XRCC5: variants seen among roughly 807,000 people sequenced by gnomAD.
The protein encoded by XRCC5 is DNA repair protein Ku80.
In XRCC5, 12 loss-of-function variants were observed where a neutral mutation model predicts 95.7. The observed-to-expected ratio is 0.13, with a 90% CI of 0.08 to 0.20. The LOEUF (loss-of-function observed/expected upper bound fraction) is 0.20, where lower values mean the gene tolerates loss of function less well. Among genes scored for constraint, XRCC5 ranks in the 10% least tolerant of loss-of-function variants. XRCC5 has a pLI of 1.00. For missense variants in XRCC5, 595 were observed against 873.9 expected (o/e 0.68, Z 4.02); for synonymous variants, 281 against 290.3 (o/e 0.97, Z 0.33).
intron 16 of XRCC5, among the ~76,000 whole-genome samples, chr2:216,187,604 T>A (rs1689520702): frequency 6.6e-6 from 1 of 151,764 alleles, no homozygotes; most frequent in African/African-American, 2.4e-5. Context: ...CAAAGCAATT[T>A]AGTACCTGTG....
At position 216,131,000 on chromosome 2, in the gene XRCC5, A is replaced by G. The variant is rs1696986178; in HGVS notation, c.1050+13A>G. On this transcript the variant is annotated intron_variant, in intron 9 of 20. Transcript: ENST00000392132. ...TAAATCTTCTCAGGTATGATTGTGA[A>G]CAAACTAAATGAGCTTTTTCCTAGC... The G allele has an allele frequency of 6.3e-7, 1 of 1,593,090 alleles. No homozygotes were observed. The highest frequency in any genetic ancestry group is 2.2e-5 in the East Asian group (1 of 44,682).
intron 19 of XRCC5, among the ~76,000 whole-genome samples, chr2:216,195,545 T>C (rs985529460): frequency 6.6e-6 from 1 of 152,016 alleles, no homozygotes; most frequent in Non-Finnish European, 1.5e-5. Flanking sequence ...GGTGATTGTA[T>C]TGTATAGTGA....
Position 216,187,801 on chromosome 2 carries a change from ACACACACACACACACACACACT to A in XRCC5, c.1835-2422_1835-2401del, listed in dbSNP as rs1451031608. Among the ~76,000 whole-genome samples the A allele has an allele frequency of 7.9e-5, 8 of 101,710 alleles. No individual in the cohort carries two copies. In the South Asian group the frequency reaches 2.1e-3, roughly 27 times the overall value. The allele number at this position is 101,710 out of a possible 152,430, so 66.7% of individuals were successfully genotyped here. A position where few individuals can be genotyped will look rare whatever the true frequency, so the allele number is the denominator to read the frequency against. ...ATGAACTCCTGACACACACACACACACACACACACACACACACACACTCTCTCTCTCTCTCTCTCTCTCTCTC... is the reference window on the plus strand; with the variant it reads ...ATGAACTCCTGACACACACACACACACTCTCTCTCTCTCTCTCTCTCTCTC... On this transcript the variant is annotated intron_variant, in intron 16 of 20. Transcript: ENST00000392132.
Position 216,137,120 on chromosome 2 carries a change from T to A in XRCC5, c.1146T>A (p.His382Gln). 6.2e-7 allele frequency: 1 copy of A among 1,613,746 alleles called. No homozygotes were observed. Among genetic ancestry groups the A allele is most frequent in the Non-Finnish European group, 8.5e-7 (1 of 1,179,766 alleles). The change falls in exon 11 of 21, where the codon CAT becomes CAA. Residue 382 changes from histidine to glutamine, a missense_variant. Physicochemically the swap from His to Gln is conservative, Grantham distance 24. Coordinates refer to ENST00000392132, the MANE Select transcript of XRCC5 (RefSeq NM_021141.4). ...AAAVALSSLI[H>Q]ALDDLDMVAI... Reference sequence around the variant, plus strand: ...CAGTTGCACTTTCCTCCCTGATTCATGCTTTGGATGACTTAGACATGGTGG... The same window carrying A: ...CAGTTGCACTTTCCTCCCTGATTCAAGCTTTGGATGACTTAGACATGGTGG...
chr2:216,150,452 G>A (rs570936307), intron 14 of XRCC5, among the ~76,000 whole-genome samples: 2 of 152,226 alleles, frequency 1.3e-5, no homozygotes, highest in South Asian at 2.1e-4. Context: ...AGGCAATTTC[G>A]TTGTGCGAAT....
Position 216,124,831 on chromosome 2 carries a change from C to G in XRCC5, c.684-1086C>G, listed in dbSNP as rs142581078. On this transcript the variant is annotated intron_variant, in intron 6 of 20. Coordinates refer to ENST00000392132, the MANE Select transcript of XRCC5 (RefSeq NM_021141.4). ...CTTTGCTGCTTATTTTAGTGAATAC[C>G]ACAAATTCCACCTATCTCCTATCAT... is the stretch of plus-strand genomic sequence containing the variant. 2.4e-3 allele frequency among the ~76,000 whole-genome samples: 371 copies of G among 152,170 alleles called. 2 individuals carry two copies. Among genetic ancestry groups the G allele is most frequent in the East Asian group, 0.019 (97 of 5,184 alleles).
At position 216,172,756 on chromosome 2, in the gene XRCC5, C is replaced by T. The variant is rs113560516; in HGVS notation, c.1834+10708C>T. On this transcript the variant is annotated intron_variant, in intron 16 of 20. Coordinates refer to ENST00000392132, the MANE Select transcript of XRCC5 (RefSeq NM_021141.4). The stretch of plus-strand genomic sequence containing the variant: ...TTTTGGGATTACATGCGTGAGCTGC[C>T]GTGCCTGGCCCAGCTTTTCAATTTA... Among the ~76,000 whole-genome samples the T allele has an allele frequency of 5.9e-5, 9 of 152,130 alleles. 1 individual carries two copies. Among genetic ancestry groups the T allele is most frequent in the East Asian group, 1.9e-4 (1 of 5,176 alleles).
At chr2:216,160,976 G>T (rs774074697) in intron 15 of XRCC5, among the ~76,000 whole-genome samples, 9 of 152,212 alleles carry the variant, frequency 5.9e-5, no homozygotes, top group East Asian at 1.9e-4. Flanking sequence ...TTATAGTCAT[G>T]AGTCACTGCA....
chr2:216,134,419 G>GTTT (rs568788717), intron 10 of XRCC5, among the ~76,000 whole-genome samples: 3 of 135,490 alleles, frequency 2.2e-5, no homozygotes, highest in Non-Finnish European at 3.2e-5. Flanking sequence ...CTTCCTTCTT[G>GTTT]TTTTTTTTTT....
chr2:216,154,072 A>G (rs959242718), intron 14 of XRCC5, among the ~76,000 whole-genome samples: 34 of 152,294 alleles, frequency 2.2e-4, no homozygotes, highest in African/African-American at 7.9e-4. Flanking sequence ...ATTTACCTCA[A>G]ATCTAACGCT....
intron 13 of XRCC5, among the ~76,000 whole-genome samples, chr2:216,145,257 A>G (rs1688604154): frequency 6.6e-6 from 1 of 152,208 alleles, no homozygotes; most frequent in Non-Finnish European, 1.5e-5. Context: ...AAATACCTAC[A>G]GTTAAGGGTA....
chr2:216,127,361 A>G (rs1041203957), intron 7 of XRCC5, among the ~76,000 whole-genome samples, 175 bp from the exon 8 acceptor site: 60 of 152,256 alleles, frequency 3.9e-4, no homozygotes, highest in African/African-American at 1.4e-3. Flanking sequence ...GTTATCCAGT[A>G]TATTTTGTTA....
At chr2:216,126,248 C>T (rs828701) in intron 7 of XRCC5, among the ~76,000 whole-genome samples, 64,505 of 151,994 alleles carry the variant, frequency 0.42, 15,458 homozygotes, top group Non-Finnish European at 0.56. Context: ...TTGATTTCCT[C>T]CTCTTTTACT....
At chr2:216,158,456 G>C (rs1688888592) in intron 14 of XRCC5, among the ~76,000 whole-genome samples, 1 of 152,184 alleles carries the variant, frequency 6.6e-6, no homozygotes, top group South Asian at 2.1e-4. Context: ...TTGTTGGCTT[G>C]TCTCTTGGGA....
rs1262200124 is a variant in XRCC5, at chr2:216,187,819, ACACTCTCT to A, written c.1835-2404_1835-2397del. Among the ~76,000 whole-genome samples the A allele has an allele frequency of 4.3e-4, 22 of 51,002 alleles. No individual in the cohort carries two copies. The East Asian group carries it at 6.9e-3, about 16-fold the overall frequency. 33.5% of individuals were successfully genotyped at this position (51,002 alleles called of 152,430 possible). On this transcript the variant is annotated intron_variant, in intron 16 of 20. Transcript: ENST00000392132. Reference sequence around the variant, plus strand: ...CACACACACACACACACACACACACACACTCTCTCTCTCTCTCTCTCTCTCTCTCTCTC... The same window carrying A: ...CACACACACACACACACACACACACACTCTCTCTCTCTCTCTCTCTCTCTC...
At chr2:216,162,301 G>GGC (rs569159780) in intron 16 of XRCC5, among the ~76,000 whole-genome samples, 58 of 152,250 alleles carry the variant, frequency 3.8e-4, no homozygotes, top group Middle Eastern at 6.8e-3. Flanking sequence ...CCAACACCTT[G>GGC]GCGCTTATAG....
At position 216,122,109 on chromosome 2, in the gene XRCC5, A is replaced by G. The variant is rs564358760; in HGVS notation, c.539A>G (p.Asp180Gly). The G allele has an allele frequency of 6.2e-7, 1 of 1,614,108 alleles. No homozygotes were observed. Among genetic ancestry groups the G allele is most frequent in the African/African-American group, 1.3e-5 (1 of 75,056 alleles). The change falls in exon 6 of 21, where the codon GAT (aspartate) becomes GGT (glycine). Residue 180 changes from aspartate (D) to glycine (G), a missense_variant. Asp to Gly is a moderately conservative substitution (Grantham distance 94). Coordinates refer to ENST00000392132, the MANE Select transcript of XRCC5 (RefSeq NM_021141.4). ...GKEDGSGDRG[D>G]GPFRLGGHGP... ...GAAGATGGAAGTGGGGACAGAGGAGATGGCCCCTTTCGCTTAGGTGGCCAT... is the reference window on the plus strand; with the variant it reads ...GAAGATGGAAGTGGGGACAGAGGAGGTGGCCCCTTTCGCTTAGGTGGCCAT...
rs930492135 is a variant in XRCC5 at position 216,148,742 on chromosome 2, A to G, written c.1670+466A>G. 4.6e-5 allele frequency among the ~76,000 whole-genome samples: 7 copies of G among 152,278 alleles called. No individual in the cohort carries two copies. The South Asian group carries it at 1.2e-3, about 27-fold the overall frequency. ...AAACTATCAATTCTTCAGCCGTTCT[A>G]TTAGTGTATCAGTGATGTATTTGGT... On this transcript the variant is annotated intron_variant, in intron 14 of 20. Transcript: ENST00000392132.
chr2:216,115,810 A>AT (rs55691905), intron 2 of XRCC5, among the ~76,000 whole-genome samples: 53,427 of 150,116 alleles, frequency 0.36, 10,642 homozygotes, highest in South Asian at 0.52. Flanking sequence ...TATTTGTTTG[A>AT]TTTTTTTTTT....
Sources: allele counts gnomAD v4.1 joint callset (sites outside exome capture counted in the v4.1 genomes callset), GRCh38; gene constraint gnomAD v4.1.1; transcripts MANE v1.5; gene names NCBI Gene and HGNC (gene_info 2026-07-23, HGNC 2026-07-21).